ATL3: variants seen among roughly 807,000 people sequenced by gnomAD.
The protein encoded by ATL3 is atlastin-3.
ATL3 carries 49 observed loss-of-function variants against 69.5 expected under a neutral mutation model. That is an observed-to-expected ratio of 0.71 (90% CI 0.56 to 0.89). The LOEUF (loss-of-function observed/expected upper bound fraction) is 0.89. ATL3 is among the 40% of genes least tolerant of loss of function. The pLI, the probability that ATL3 is intolerant of heterozygous loss-of-function variation, is 0.00. For missense variants in ATL3, 606 were observed against 645.7 expected, an observed-to-expected ratio of 0.94 and a Z score of 0.67; for synonymous variants, 214 against 224.1, an observed-to-expected ratio of 0.95 and a Z score of 0.40.
In ATL3 at chr11:63,625,471, TAA is replaced by T. The variant is rs1939076538; in HGVS notation, c.*3846_*3847del. On this transcript the variant is annotated 3_prime_UTR_variant, in exon 13 of 13. Transcript: ENST00000398868. The stretch of plus-strand genomic sequence containing the variant: ...TTTAATTTTTAAAAAATTAAAAAAT[TAA>T]AACTGTTTTATTGCTTTTGCATGGA... The T allele has an allele frequency of 6.6e-6, 1 of 152,158 alleles. No homozygotes were observed. 9.4% of individuals were successfully genotyped at this position (152,158 alleles called of 1,614,324 possible).
At position 63,631,287 on chromosome 11, in the gene ATL3, T is replaced by G. The variant is rs1490841554; in HGVS notation, c.1292A>C (p.His431Pro). The G allele has an allele frequency of 6.2e-7, 1 of 1,614,100 alleles. No individual in the cohort carries two copies. Among genetic ancestry groups the G allele is most frequent in the African/African-American group, 1.3e-5 (1 of 74,932 alleles). The change falls in exon 12 of 13, where the codon CAC becomes CCC. Residue 431 changes from histidine to proline, a missense_variant. Transcript: ENST00000398868. ...IKELYENFCK[H>P]NGSKNVFSTF... is the part of the protein sequence containing the mutation. ...GCTGAAGACGTTCTTGCTACCATTGTGCTTGCAGAAGTTCTCATATAATTC... is the reference window on the plus strand; with the variant it reads ...GCTGAAGACGTTCTTGCTACCATTGGGCTTGCAGAAGTTCTCATATAATTC...
At chr11:63,642,269 G>A (rs774952173) in intron 8 of ATL3, among the ~76,000 whole-genome samples, 4 of 152,138 alleles carry the variant, frequency 2.6e-5, no homozygotes, top group South Asian at 2.1e-4. Context: ...TGTCAATCAC[G>A]TAAAAGTATC....
chr11:63,636,764 GAGA>G (rs1939532165), intron 8 of ATL3, among the ~76,000 whole-genome samples: 1 of 150,462 alleles, frequency 6.6e-6, no homozygotes, highest in African/African-American at 2.4e-5. Flanking sequence ...AAAAGTGGGA[GAGA>G]AGAAGGGGTC....
chr11:63,635,899 C>T (rs928635419), intron 9 of ATL3, among the ~76,000 whole-genome samples: 1 of 146,752 alleles, frequency 6.8e-6, no homozygotes, highest in African/African-American at 2.5e-5. Flanking sequence ...ATCTAGGTGC[C>T]GTCTCCTCCT....
chr11:63,671,759 G>A (rs929926578), upstream of ATL3: 2 of 1,197,274 alleles, frequency 1.7e-6, no homozygotes, highest in East Asian at 8.3e-5. Flanking sequence ...GTTCTCCGAC[G>A]ACTGAACTAC....
intron 6 of ATL3, among the ~76,000 whole-genome samples, chr11:63,646,234 A>G (rs1254854111): frequency 1.3e-5 from 2 of 152,210 alleles, no homozygotes; most frequent in African/African-American, 4.8e-5. Flanking sequence ...TTGTAGCAGG[A>G]AAGCCGTCAC....
intron 5 of ATL3, among the ~76,000 whole-genome samples, chr11:63,650,344 T>G (rs1461959447): frequency 6.6e-6 from 1 of 152,204 alleles, no homozygotes; most frequent in African/African-American, 2.4e-5. Context: ...AAGTTTATTC[T>G]GTTTTCAATA....
upstream of ATL3, chr11:63,671,795 G>A: frequency 8.8e-7 from 1 of 1,133,332 alleles, no homozygotes. Context: ...GTGCGGGAAG[G>A]GGCGGGCTGG....
chr11:63,644,050 A>G (rs1939785738), intron 7 of ATL3, 119 bp downstream of exon 7: 2 of 662,896 alleles, frequency 3.0e-6, no homozygotes, highest in South Asian at 1.9e-5. Flanking sequence ...TAAGATTCAT[A>G]TATAGTTAAT....
chr11:63,633,416 C>CT (rs1260632530), intron 10 of ATL3, among the ~76,000 whole-genome samples: 20 of 150,752 alleles, frequency 1.3e-4, no homozygotes, highest in Admixed American at 5.3e-4. Flanking sequence ...TTAAATTTTT[C>CT]TTTTTTTTTA....
At position 63,633,105 on chromosome 11, in the gene ATL3, G is replaced by C; in HGVS notation, c.1036-8C>G. 3 of 1,613,138 alleles carry C rather than the reference G, an allele frequency of 1.9e-6. No homozygotes were observed. ...GTTGGCTTCAGCAGTGGCCTTTTAA[G>C]AGAGAAAAACGTGAACTGTAAATCC... On this transcript the variant is annotated splice_polypyrimidine_tract_variant and splice_region_variant and intron_variant, in intron 10 of 12. Transcript: ENST00000398868.
intron 3 of ATL3, among the ~76,000 whole-genome samples, chr11:63,654,623 C>T (rs1940184099): frequency 6.6e-6 from 1 of 151,036 alleles, no homozygotes; most frequent in Non-Finnish European, 1.5e-5. Context: ...GTCTTGAACT[C>T]CTGACCTCAG....
chr11:63,664,331 G>T (rs1940509869), intron 1 of ATL3, among the ~76,000 whole-genome samples: 1 of 152,096 alleles, frequency 6.6e-6, no homozygotes, highest in South Asian at 2.1e-4. Context: ...TTGAGGTCAG[G>T]AGTTCGAGAC....
At chr11:63,648,558 C>G (rs982618336) in intron 5 of ATL3, among the ~76,000 whole-genome samples, 2 of 152,222 alleles carry the variant, frequency 1.3e-5, no homozygotes, top group African/African-American at 4.8e-5. Flanking sequence ...GCTCTAATCC[C>G]AGCACTTTGG....
chr11:63,635,619 A>G (rs754735689), intron 9 of ATL3, 29 bp from the exon 10 acceptor site: 2 of 1,511,278 alleles, frequency 1.3e-6, no homozygotes, highest in Non-Finnish European at 1.8e-6. Context: ...AAACTGCTAT[A>G]AAATGTTATT....
intron 11 of ATL3, among the ~76,000 whole-genome samples, 194 bp from the exon 12 acceptor site, chr11:63,631,665 G>A (rs1009427257): frequency 6.6e-6 from 1 of 152,144 alleles, no homozygotes; most frequent in African/African-American, 2.4e-5. Flanking sequence ...AAAAAACCAG[G>A]GTGATAATAT....
intron 1 of ATL3, among the ~76,000 whole-genome samples, chr11:63,670,126 A>G (rs958375367): frequency 3.9e-5 from 6 of 152,052 alleles, no homozygotes; most frequent in Admixed American, 3.9e-4. Flanking sequence ...TAATAAAACA[A>G]TGTGCTGGAC....
Position 63,628,090 on chromosome 11 carries a change from A to C in ATL3, c.*1229T>G, listed in dbSNP as rs1939178177. The C allele has an allele frequency of 6.6e-6, 1 of 152,214 alleles. No homozygotes were observed. The highest frequency in any genetic ancestry group is 2.4e-5 in the African/African-American group (1 of 41,464). The allele number at this position is 152,214 out of a possible 1,614,324, so 9.4% of individuals were successfully genotyped here. On this transcript the variant is annotated 3_prime_UTR_variant, in exon 13 of 13. Coordinates refer to ENST00000398868, the MANE Select transcript of ATL3 (RefSeq NM_015459.5). ...TTCTGTTCTTATGCAGAACTCTCAA[A>C]AACAAAACCCCTCAAATGACAATTA...
chr11:63,653,920 G>A (rs1023034835), intron 3 of ATL3, among the ~76,000 whole-genome samples: 5 of 152,136 alleles, frequency 3.3e-5, no homozygotes, highest in Admixed American at 6.6e-5. Context: ...GTGGGCATGT[G>A]TCACTATACA....
Sources: gnomAD v4.1 joint callset for allele counts (sites outside exome capture counted in the v4.1 genomes callset) on GRCh38, gnomAD v4.1.1 for gene constraint, MANE v1.5 for transcripts, NCBI Gene and HGNC (gene_info 2026-07-23, HGNC 2026-07-21) for gene names.